The following ROBO2 variants were observed in gnomAD, a reference collection of about 807,000 sequenced individuals.
The protein encoded by ROBO2 is roundabout guidance receptor 2.
A neutral mutation model predicts 160.8 loss-of-function variants in ROBO2; 53 were observed. That is an observed-to-expected ratio of 0.33 (90% confidence interval 0.26 to 0.41). The LOEUF is 0.41. Among genes scored for constraint, ROBO2 ranks in the 10% least tolerant of loss-of-function variants. The probability of loss-of-function intolerance (pLI) is 1.00; values close to 1 mark genes in which losing one functional copy is unlikely to be tolerated. For missense variants in ROBO2, 1,577 were observed against 1,722.4 expected (o/e 0.92, Z 1.49); for synonymous variants, 664 against 611.7 (o/e 1.09, Z -1.26).
chr3:76,260,442 G>A (rs1706672048), intron 2 of ROBO2, among the ~76,000 whole-genome samples: 1 of 152,080 alleles, frequency 6.6e-6, no homozygotes, highest in African/African-American at 2.4e-5. Flanking sequence ...ATTTGAGGAA[G>A]ACTAAAAATA....
Position 76,011,864 on chromosome 3 carries a change from G to T in ROBO2, c.109+74262G>T, listed in dbSNP as rs2066204170. On this transcript the variant is annotated intron_variant, in intron 2 of 26. Coordinates refer to the ROBO2 transcript ENST00000487694. ...TCAAATGTGTATATGTAGACATTGT[G>T]CTCCTCAATGGAAATTTTAAGGATA... Among the ~76,000 whole-genome samples the T allele has an allele frequency of 2.0e-5, 3 of 152,052 alleles. No homozygotes were observed. In the South Asian group the frequency reaches 6.2e-4, roughly 32 times the overall value.
chr3:77,280,607 T>C (rs1458194500), intron 2 of ROBO2, among the ~76,000 whole-genome samples: 1 of 152,156 alleles, frequency 6.6e-6, no homozygotes, highest in Non-Finnish European at 1.5e-5. Flanking sequence ...TCCACACTAG[T>C]TTGTCCATAA....
At chr3:76,942,370 C>G (rs542081143) in intron 2 of ROBO2, among the ~76,000 whole-genome samples, 4 of 152,280 alleles carry the variant, frequency 2.6e-5, no homozygotes, top group Admixed American at 1.3e-4. Flanking sequence ...AACAACCAGC[C>G]TCCTTTATTG....
At chr3:76,407,000 T>G (rs1278683388) in intron 2 of ROBO2, among the ~76,000 whole-genome samples, 3 of 150,718 alleles carry the variant, frequency 2.0e-5, no homozygotes, top group Non-Finnish European at 4.4e-5. Flanking sequence ...CTGAGTTGTT[T>G]TTTTTTTTTT....
chr3:77,404,310 T>C (rs2076082109), intron 2 of ROBO2, among the ~76,000 whole-genome samples: 2 of 152,196 alleles, frequency 1.3e-5, no homozygotes, highest in Admixed American at 1.3e-4. Flanking sequence ...GTTGTGTTTA[T>C]ATGAAACAGA....
intron 1 of ROBO2, among the ~76,000 whole-genome samples, chr3:75,931,980 G>T (rs1947563268): frequency 6.6e-6 from 1 of 152,086 alleles, no homozygotes; most frequent in Admixed American, 6.5e-5. Flanking sequence ...GGAGTCCACA[G>T]TCTATTCACT....
intron 2 of ROBO2, among the ~76,000 whole-genome samples, chr3:75,966,661 T>C (rs932426775): frequency 1.3e-5 from 2 of 151,594 alleles, no homozygotes; most frequent in Non-Finnish European, 3.0e-5. Flanking sequence ...GTGTGTTGGT[T>C]AAATAAGACA....
intron 2 of ROBO2, among the ~76,000 whole-genome samples, chr3:76,281,786 A>G (rs1228734843): frequency 6.6e-6 from 1 of 151,998 alleles, no homozygotes; most frequent in Non-Finnish European, 1.5e-5. Context: ...AGCACCAAAC[A>G]TTGTTCACAT....
At chr3:76,623,196 A>G (rs2089353708) in intron 2 of ROBO2, among the ~76,000 whole-genome samples, 1 of 152,202 alleles carries the variant, frequency 6.6e-6, no homozygotes, top group African/African-American at 2.4e-5. Flanking sequence ...ATTTTTATGC[A>G]CATTTGGGGT....
intron 2 of ROBO2, among the ~76,000 whole-genome samples, chr3:76,783,705 A>G (rs748790729): frequency 1.3e-5 from 2 of 150,708 alleles, no homozygotes; most frequent in African/African-American, 2.4e-5. Flanking sequence ...AAAAGCCTCT[A>G]TGTTCAATAT....
At chr3:77,587,619 G>T (rs1007088692) in intron 16 of ROBO2, among the ~76,000 whole-genome samples, 1 of 152,008 alleles carries the variant, frequency 6.6e-6, no homozygotes, top group Non-Finnish European at 1.5e-5. Context: ...AGAAGATTTA[G>T]TGCCCTATAT....
chr3:77,450,770 A>G (rs1360689171), intron 2 of ROBO2, among the ~76,000 whole-genome samples: 3 of 152,124 alleles, frequency 2.0e-5, no homozygotes, highest in Non-Finnish European at 2.9e-5. Flanking sequence ...AGTTAAAGGT[A>G]AAGATAGTGG....
chr3:76,978,135 G>A (rs180988104), intron 2 of ROBO2, among the ~76,000 whole-genome samples: 1 of 152,114 alleles, frequency 6.6e-6, no homozygotes, highest in African/African-American at 2.4e-5. Context: ...TAAAAATTAA[G>A]GACACTTAGT....
intron 2 of ROBO2, among the ~76,000 whole-genome samples, chr3:76,693,745 A>C (rs2092865982): frequency 6.6e-6 from 1 of 152,212 alleles, no homozygotes; most frequent in Admixed American, 6.5e-5. Flanking sequence ...TGAAGGTCAA[A>C]GAACCTGTAG....
At chr3:76,242,959 G>C (rs1355006341) in intron 2 of ROBO2, among the ~76,000 whole-genome samples, 1 of 152,036 alleles carries the variant, frequency 6.6e-6, no homozygotes, top group African/African-American at 2.4e-5. Flanking sequence ...GATCTAACAC[G>C]TAACGTATTT....
At chr3:76,355,705 C>A (rs2075121293) in intron 2 of ROBO2, among the ~76,000 whole-genome samples, 1 of 151,788 alleles carries the variant, frequency 6.6e-6, no homozygotes, top group South Asian at 2.1e-4. Flanking sequence ...ATGACAGATA[C>A]ATCCATATAA....
chr3:77,639,913 G>A (rs2095322639), intron 24 of ROBO2, among the ~76,000 whole-genome samples: 1 of 152,108 alleles, frequency 6.6e-6, no homozygotes, highest in Non-Finnish European at 1.5e-5. Context: ...GATGACGGTG[G>A]TTCATACCAA....
intron 14 of ROBO2, 151 bp downstream of exon 15, chr3:77,574,881 A>T (rs2093722565): frequency 1.5e-6 from 1 of 668,004 alleles, no homozygotes; most frequent in Non-Finnish European, 2.6e-6. Flanking sequence ...TGAGAATTCT[A>T]TAGAATCTGA....
At chr3:75,961,813 T>C (rs1948923172) in intron 2 of ROBO2, among the ~76,000 whole-genome samples, 1 of 151,788 alleles carries the variant, frequency 6.6e-6, no homozygotes, top group Middle Eastern at 3.4e-3. Flanking sequence ...AATCAAACTA[T>C]ATTATTTAAG....
Sources: allele counts gnomAD v4.1 joint callset (sites outside exome capture counted in the v4.1 genomes callset), GRCh38; gene constraint gnomAD v4.1.1; transcripts MANE v1.5; gene names NCBI Gene and HGNC (gene_info 2026-07-23, HGNC 2026-07-21).